Variants in SNCAIP observed in about 807,000 individuals in gnomAD.
SNCAIP encodes synphilin-1.
Under a neutral mutation model 86.7 loss-of-function variants are expected in SNCAIP, and 43 were observed. The ratio of observed to expected loss-of-function variants is 0.50; its 90% CI spans 0.39 to 0.64. The LOEUF is 0.64. Ranked by LOEUF, SNCAIP falls within the 30% of genes least tolerant of loss-of-function variation. The pLI is 0.00. For synonymous variants in SNCAIP, 417 were observed against 427.2 expected, an observed-to-expected ratio of 0.98 and a Z score of 0.29; for missense variants, 981 against 1,103.1, an observed-to-expected ratio of 0.89 and a Z score of 1.57.
At chr5:122,387,206 T>G (rs1325222913) in intron 1 of SNCAIP, among the ~76,000 whole-genome samples, 1 of 152,160 alleles carries the variant, frequency 6.6e-6, no homozygotes, top group African/African-American at 2.4e-5. Flanking sequence ...TCACCCAGAC[T>G]GGAGTGCAGT....
chr5:122,448,557 T>TA lies in SNCAIP; in HGVS notation c.1593-1288_1593-1287insA, dbSNP rs1554117158. ...TTTGAAGTATATCCTTCCATATTTT[T>TA]TATATATATATATCCTTCCATATTT... On this transcript the variant is annotated intron_variant, in intron 8 of 10. Transcript: ENST00000261368. 7.6e-5 allele frequency among the ~76,000 whole-genome samples: 11 copies of TA among 144,398 alleles called. No homozygotes were observed. The East Asian group carries it at 1.8e-3, about 23-fold the overall frequency. The allele number at this position is 144,398 out of a possible 152,430, so 94.7% of individuals were successfully genotyped here.
intron 1 of SNCAIP, among the ~76,000 whole-genome samples, chr5:122,346,681 G>A (rs886791376): frequency 1.3e-5 from 2 of 151,760 alleles, no homozygotes; most frequent in Admixed American, 6.6e-5. Flanking sequence ...CAGCTAAATC[G>A]GTAGACACTT....
chr5:122,351,262 C>A (rs1006455981), intron 1 of SNCAIP, among the ~76,000 whole-genome samples: 1 of 151,948 alleles, frequency 6.6e-6, no homozygotes, highest in Admixed American at 6.6e-5. Flanking sequence ...ACTGGCCAGG[C>A]GCGGTCGCTC....
intron 5 of SNCAIP, among the ~76,000 whole-genome samples, chr5:122,425,775 A>G (rs539180732): frequency 1.3e-5 from 2 of 152,328 alleles, no homozygotes; most frequent in African/African-American, 4.8e-5. Flanking sequence ...TAGTTCTAAC[A>G]ACTTTTGTTA....
intron 1 of SNCAIP, among the ~76,000 whole-genome samples, chr5:122,323,714 C>G (rs1265167246): frequency 6.6e-6 from 1 of 152,216 alleles, no homozygotes; most frequent in Non-Finnish European, 1.5e-5. Context: ...TCTTTAAAAT[C>G]TAATTATCGT....
intron 1 of SNCAIP, among the ~76,000 whole-genome samples, chr5:122,317,275 A>C (rs1053311085): frequency 3.2e-4 from 48 of 152,324 alleles, no homozygotes; most frequent in African/African-American, 1.2e-3. Context: ...CAAATCACAG[A>C]AACCCAGTTT....
intron 1 of SNCAIP, among the ~76,000 whole-genome samples, chr5:122,343,008 T>C (rs1353036075): frequency 6.6e-6 from 1 of 152,194 alleles, no homozygotes; most frequent in Admixed American, 6.5e-5. Flanking sequence ...CTTAAATAAG[T>C]GATTACACTT....
At chr5:122,434,360 A>G (rs1310968112) in intron 6 of SNCAIP, among the ~76,000 whole-genome samples, 2 of 152,156 alleles carry the variant, frequency 1.3e-5, no homozygotes, top group Admixed American at 6.5e-5. Context: ...GTCTTGGGAA[A>G]TGTTGATTAT....
At chr5:122,348,913 T>C (rs1406475802) in intron 1 of SNCAIP, among the ~76,000 whole-genome samples, 2 of 152,212 alleles carry the variant, frequency 1.3e-5, no homozygotes, top group African/African-American at 4.8e-5. Context: ...ACAATTGATT[T>C]GGTCTTTAAT....
intron 1 of SNCAIP, chr5:122,371,591 G>C (rs1243421734): frequency 1.3e-5 from 2 of 152,068 alleles, no homozygotes; most frequent in South Asian, 4.1e-4. Context: ...TTATATGTTG[G>C]GTGTACCAAT....
At chr5:122,419,023 T>C (rs1775858863) in intron 3 of SNCAIP, among the ~76,000 whole-genome samples, 1 of 152,106 alleles carries the variant, frequency 6.6e-6, no homozygotes, top group Non-Finnish European at 1.5e-5. Context: ...CAGGACTTGG[T>C]GCCTGAGCGA....
At chr5:122,410,556 A>G (rs1465417685) in intron 3 of SNCAIP, among the ~76,000 whole-genome samples, 1 of 152,192 alleles carries the variant, frequency 6.6e-6, no homozygotes, top group East Asian at 1.9e-4. Flanking sequence ...GGTATGGTGG[A>G]TCACACCTGT....
At chr5:122,320,625 C>A (rs1752721360) in intron 1 of SNCAIP, among the ~76,000 whole-genome samples, 1 of 152,156 alleles carries the variant, frequency 6.6e-6, no homozygotes, top group Non-Finnish European at 1.5e-5. Flanking sequence ...TTTCTTCCCC[C>A]AGGATGTTTA....
chr5:122,313,766 G>A (rs958416683), intron 1 of SNCAIP, among the ~76,000 whole-genome samples: 4 of 152,166 alleles, frequency 2.6e-5, no homozygotes, highest in African/African-American at 9.7e-5. Flanking sequence ...CAATATTTCG[G>A]TACTGATCGC....
intron 1 of SNCAIP, among the ~76,000 whole-genome samples, chr5:122,333,504 A>C (rs1755802106): frequency 6.6e-6 from 1 of 152,208 alleles, no homozygotes; most frequent in South Asian, 2.1e-4. Flanking sequence ...GAATCTCAGG[A>C]ATTCTTTAAA....
In SNCAIP at chr5:122,425,275, A is replaced by G. The variant is rs1777128958; in HGVS notation, c.1003-77A>G. 2.7e-6 allele frequency: 3 copies of G among 1,097,494 alleles called. No homozygotes were observed. The Admixed American group carries it at 5.1e-5, about 19-fold the overall frequency. The allele number at this position is 1,097,494 out of a possible 1,614,324, so 68.0% of individuals were successfully genotyped here. ...TTCTATAAGCTCATTTCTTCTTTCCAGTGCCCAGAGAAAAACTCCTACAGG... is the reference window on the plus strand; with the variant it reads ...TTCTATAAGCTCATTTCTTCTTTCCGGTGCCCAGAGAAAAACTCCTACAGG... On this transcript the variant is annotated intron_variant, in intron 4 of 10. Transcript: ENST00000261368.
chr5:122,375,027 G>T (rs536300678), intron 1 of SNCAIP, among the ~76,000 whole-genome samples: 1 of 152,038 alleles, frequency 6.6e-6, no homozygotes, highest in Non-Finnish European at 1.5e-5. Context: ...GTAAATTAGG[G>T]CCAAATGAAA....
chr5:122,392,118 A>C (rs756013516), intron 2 of SNCAIP, among the ~76,000 whole-genome samples: 1 of 152,216 alleles, frequency 6.6e-6, no homozygotes. Context: ...TTACTTTATC[A>C]TGCTTCTGGC....
chr5:122,441,947 G>A lies in SNCAIP; in HGVS notation c.1422+1193G>A, dbSNP rs183870851. ...CATTGAAAGTGACCCGACATATATG[G>A]ATTTATTCCCATATCTATCTGATAT... On this transcript the variant is annotated intron_variant, in intron 7 of 10. Coordinates refer to ENST00000261368, the MANE Select transcript of SNCAIP (RefSeq NM_005460.4). 1.2e-4 allele frequency among the ~76,000 whole-genome samples: 18 copies of A among 152,140 alleles called. No homozygotes were observed. In the East Asian group the frequency reaches 3.5e-3, roughly 29 times the overall value.
Sources: gnomAD v4.1 joint callset for allele counts (sites outside exome capture counted in the v4.1 genomes callset) on GRCh38, gnomAD v4.1.1 for gene constraint, MANE v1.5 for transcripts, NCBI Gene and HGNC (gene_info 2026-07-23, HGNC 2026-07-21) for gene names.